DHX35: variants seen among roughly 807,000 people sequenced by gnomAD.
DHX35 encodes DEAH-box helicase 35.
In DHX35, 84 loss-of-function variants were observed where a neutral mutation model predicts 99.6. The observed-to-expected ratio is 0.84, with a 90% confidence interval of 0.71 to 1.01. The LOEUF is 1.01. Among genes scored for constraint, DHX35 ranks in the 50% least tolerant of loss-of-function variants. The pLI, the probability that DHX35 is intolerant of heterozygous loss-of-function variation, is 0.00. For synonymous variants in DHX35, 331 were observed against 316.2 expected (o/e 1.05, Z -0.50); for missense variants, 852 against 888.5 (o/e 0.96, Z 0.52).
intron 8 of DHX35, among the ~76,000 whole-genome samples, chr20:38,998,609 C>T (rs2145888453): frequency 6.6e-6 from 1 of 152,328 alleles, no homozygotes; most frequent in African/African-American, 2.4e-5. Context: ...CTCTTTCAAA[C>T]CTGACTCAAA....
At chr20:38,981,290 T>G (rs2086168344) in intron 3 of DHX35, among the ~76,000 whole-genome samples, 1 of 152,214 alleles carries the variant, frequency 6.6e-6, no homozygotes, top group Admixed American at 6.5e-5. Context: ...TCTGTAGCAG[T>G]GATGATTTTC....
intron 19 of DHX35, chr20:39,030,166 AC>A (rs1210442908): frequency 1.3e-5 from 2 of 152,620 alleles, no homozygotes; most frequent in African/African-American, 4.8e-5. Flanking sequence ...TTTAGTAGAG[AC>A]AGGGTTTCTC....
At chr20:39,033,071 A>G (rs1197738577) in intron 20 of DHX35, among the ~76,000 whole-genome samples, 2 of 151,188 alleles carry the variant, frequency 1.3e-5, no homozygotes, top group African/African-American at 2.4e-5. Context: ...CCAGACCTCA[A>G]CTCTCAAAAA....
At chr20:38,976,622 C>T (rs1238472588) in intron 3 of DHX35, among the ~76,000 whole-genome samples, 1 of 152,088 alleles carries the variant, frequency 6.6e-6, no homozygotes, top group Non-Finnish European at 1.5e-5. Context: ...TCTCCCTTAG[C>T]TATTTTGAAG....
At chr20:38,979,863 A>C (rs1217985412) in intron 3 of DHX35, among the ~76,000 whole-genome samples, 1 of 151,816 alleles carries the variant, frequency 6.6e-6, no homozygotes, top group Admixed American at 6.6e-5. Context: ...GTAAAAAAAA[A>C]AAACAAAAAT....
At chr20:38,990,491 C>T (rs1039606847) in intron 5 of DHX35, among the ~76,000 whole-genome samples, 12 of 152,134 alleles carry the variant, frequency 7.9e-5, no homozygotes, top group Non-Finnish European at 1.0e-4. Context: ...CTATGCTAAA[C>T]GCTTTACATG....
At position 39,015,878 on chromosome 20, in the gene DHX35, A is replaced by G. The variant is rs142808575; in HGVS notation, c.1402+944A>G. The stretch of plus-strand genomic sequence containing the variant: ...CCCCCTAGTCCCCCAGCCCAAGGCA[A>G]CCACTCTCTGGTTCAGTCTCTATAG... On this transcript the variant is annotated intron_variant, in intron 14 of 21. Coordinates refer to ENST00000252011, the MANE Select transcript of DHX35 (RefSeq NM_021931.4). Among the ~76,000 whole-genome samples the G allele has an allele frequency of 4.1e-3, 618 of 152,258 alleles. 5 individuals carry two copies. The highest frequency in any genetic ancestry group is 0.014 in the African/African-American group (564 of 41,534).
intron 3 of DHX35, among the ~76,000 whole-genome samples, chr20:38,976,656 A>G (rs1243396062): frequency 2.0e-5 from 3 of 152,264 alleles, no homozygotes; most frequent in Admixed American, 6.5e-5. Context: ...ATTGTTAACT[A>G]TAGTCACTCT....
Position 39,003,974 on chromosome 20 carries a change from G to A in DHX35, c.1011+67G>A. 3 of 1,570,880 alleles carry A rather than the reference G, an allele frequency of 1.9e-6. No individual in the cohort carries two copies. In the South Asian group the frequency reaches 3.4e-5, roughly 18 times the overall value. On this transcript the variant is annotated intron_variant, in intron 11 of 21. Transcript: ENST00000252011. ...TAATCATAATGATGCTCCTTTACTTGTTTTGAAACTTGCTAAACACAAGGC... is the reference window on the plus strand; with the variant it reads ...TAATCATAATGATGCTCCTTTACTTATTTTGAAACTTGCTAAACACAAGGC...
chr20:39,035,198 A>G (rs1056782332), intron 21 of DHX35, among the ~76,000 whole-genome samples: 4 of 152,100 alleles, frequency 2.6e-5, no homozygotes, highest in Non-Finnish European at 4.4e-5. Context: ...CAGCCTCTCT[A>G]ATAGCTGGGA....
chr20:38,997,989 C>T (rs995936563), intron 8 of DHX35, among the ~76,000 whole-genome samples: 1 of 152,190 alleles, frequency 6.6e-6, no homozygotes, highest in Non-Finnish European at 1.5e-5. Flanking sequence ...CGTGGTTTCT[C>T]TCAGGGACTG....
chr20:39,011,687 A>G (rs1174101796), intron 13 of DHX35, among the ~76,000 whole-genome samples: 3 of 152,228 alleles, frequency 2.0e-5, no homozygotes, highest in Non-Finnish European at 1.5e-5. Flanking sequence ...TATTTGGGTC[A>G]GTTAATACAT....
chr20:38,981,943 C>CAAAAAAAAAAAAAA, intron 3 of DHX35, among the ~76,000 whole-genome samples: 1 of 87,282 alleles, frequency 1.1e-5, no homozygotes. Context: ...GACTCTGTCT[C>CAAAAAAAAAAAAAA]AAAAAAAAAA....
At chr20:38,969,052 A>C in intron 1 of DHX35, 29 bp from the exon 2 acceptor site, 2 of 1,571,866 alleles carry the variant, frequency 1.3e-6, no homozygotes, top group Non-Finnish European at 1.7e-6. Flanking sequence ...TGTATCAGAG[A>C]ATCTGAAAAA....
At chr20:38,977,071 CTT>C (rs753566918) in intron 3 of DHX35, among the ~76,000 whole-genome samples, 80 of 152,250 alleles carry the variant, frequency 5.3e-4, no homozygotes, top group Non-Finnish European at 7.5e-4. Context: ...GTACATGTCT[CTT>C]TGATGTTCTG....
chr20:39,001,645 A>G (rs1413252785), intron 8 of DHX35, 85 bp from the exon 9 acceptor site: 4 of 1,053,194 alleles, frequency 3.8e-6, no homozygotes, highest in Non-Finnish European at 5.6e-6. Flanking sequence ...TGTCTTTGGC[A>G]AGTTTTATAT....
chr20:39,023,399 C>G (rs74785012), intron 16 of DHX35, among the ~76,000 whole-genome samples: 1 of 152,166 alleles, frequency 6.6e-6, no homozygotes, highest in South Asian at 2.1e-4. Context: ...GACAGGGTCT[C>G]GCCCTGTTGC....
chr20:39,011,416 AC>A (rs1249480830), intron 13 of DHX35, among the ~76,000 whole-genome samples: 1 of 152,082 alleles, frequency 6.6e-6, no homozygotes, highest in African/African-American at 2.4e-5. Flanking sequence ...GCTCACTGCA[AC>A]CTCTGCCTCC....
rs577806410 is a variant in DHX35 at position 38,972,077 on chromosome 20, C to T, written c.175-482C>T. Reference sequence around the variant, plus strand: ...AGGCTGAAGTGCAGTGGCATGGTCTCGCCTCACTGCAGCCTCCCCCCGCCT... The same window carrying T: ...AGGCTGAAGTGCAGTGGCATGGTCTTGCCTCACTGCAGCCTCCCCCCGCCT... On this transcript the variant is annotated intron_variant, in intron 2 of 21. Transcript: ENST00000252011. 6.6e-4 allele frequency among the ~76,000 whole-genome samples: 94 copies of T among 141,974 alleles called. 1 individual carries two copies. The highest frequency in any genetic ancestry group is 2.3e-3 in the African/African-American group (89 of 38,538). The allele number at this position is 141,974 out of a possible 152,430, so 93.1% of individuals were successfully genotyped here. A position where few individuals can be genotyped will look rare whatever the true frequency, so the allele number is the denominator to read the frequency against.
Sources: allele counts gnomAD v4.1 joint callset (sites outside exome capture counted in the v4.1 genomes callset), GRCh38; gene constraint gnomAD v4.1.1; transcripts MANE v1.5; gene names NCBI Gene and HGNC (gene_info 2026-07-23, HGNC 2026-07-21).